ZFHX3: variants seen among roughly 807,000 people sequenced by gnomAD.
ZFHX3 encodes zinc finger homeobox 3, also known as zinc finger homeobox protein 3.
In ZFHX3, 42 loss-of-function variants were observed where a neutral mutation model predicts 279.1. That is an observed-to-expected ratio of 0.15 (90% CI 0.12 to 0.19). The LOEUF (loss-of-function observed/expected upper bound fraction) is 0.19. Ranked by LOEUF, ZFHX3 falls within the 10% of genes least tolerant of loss-of-function variation. The pLI, the probability that ZFHX3 is intolerant of heterozygous loss-of-function variation, is 1.00. For synonymous variants in ZFHX3, 2,293 were observed against 1,957.8 expected, an observed-to-expected ratio of 1.17 and a Z score of -4.52; for missense variants, 4,981 against 4,754.0, an observed-to-expected ratio of 1.05 and a Z score of -1.40.
intron 5 of ZFHX3, among the ~76,000 whole-genome samples, chr16:73,224,655 C>T (rs1003744657): frequency 4.6e-5 from 7 of 152,170 alleles, no homozygotes; most frequent in African/African-American, 1.7e-4. Context: ...AGATGAAATG[C>T]TATAGTAGCC....
In ZFHX3 at chr16:73,093,011, G is replaced by A. The variant is rs548226547; in HGVS notation, c.-533+224C>T. ...GTGAAATCCCTTCTCCTTTTTCTTCGGGCCCTTGTTTTCTTCCATCCTTTC... is the reference window on the plus strand; with the variant it reads ...GTGAAATCCCTTCTCCTTTTTCTTCAGGCCCTTGTTTTCTTCCATCCTTTC... On this transcript the variant is annotated intron_variant, in intron 8 of 17. Coordinates refer to the ZFHX3 transcript ENST00000641206. 3.6e-4 allele frequency: 186 copies of A among 519,668 alleles called. 1 individual carries two copies. The highest frequency in any genetic ancestry group is 2.4e-3 in the South Asian group (171 of 71,562). 32.2% of individuals were successfully genotyped at this position (519,668 alleles called of 1,614,324 possible). A position where few individuals can be genotyped will look rare whatever the true frequency, so the allele number is the denominator to read the frequency against.
chr16:73,315,304 G>A (rs1244300872), intron 4 of ZFHX3, among the ~76,000 whole-genome samples: 3 of 152,092 alleles, frequency 2.0e-5, no homozygotes, highest in Non-Finnish European at 4.4e-5. Flanking sequence ...CCCCTATGTG[G>A]TGGAAATGCA....
chr16:73,193,529 C>G (rs985985572), intron 5 of ZFHX3, among the ~76,000 whole-genome samples: 1 of 152,152 alleles, frequency 6.6e-6, no homozygotes, highest in African/African-American at 2.4e-5. Context: ...TTTCCAGTAT[C>G]CTGGGGGTAA....
upstream of ZFHX3, among the ~76,000 whole-genome samples, chr16:73,050,974 A>G (rs904307792): frequency 3.3e-5 from 5 of 152,166 alleles, no homozygotes; most frequent in African/African-American, 1.2e-4. Context: ...AATTACAATG[A>G]TTCTACCGAG....
At chr16:73,284,151 T>C (rs1183004278) in intron 4 of ZFHX3, among the ~76,000 whole-genome samples, 1 of 151,674 alleles carries the variant, frequency 6.6e-6, no homozygotes, top group Non-Finnish European at 1.5e-5. Context: ...ACCCCACCTC[T>C]ACTAAAAATA....
chr16:73,085,647 A>C (rs1966002267), intron 8 of ZFHX3, among the ~76,000 whole-genome samples: 1 of 152,228 alleles, frequency 6.6e-6, no homozygotes, highest in Admixed American at 6.5e-5. Flanking sequence ...GCATAAAGCT[A>C]GACCCCTATC....
intron 2 of ZFHX3, among the ~76,000 whole-genome samples, chr16:73,593,997 T>C (rs2052024417): frequency 6.6e-6 from 1 of 152,134 alleles, no homozygotes; most frequent in Non-Finnish European, 1.5e-5. Context: ...GGGTACCCAC[T>C]CTTGTTACTC....
chr16:73,874,544 C>T (rs2142404979), intron 1 of ZFHX3, among the ~76,000 whole-genome samples: 1 of 152,314 alleles, frequency 6.6e-6, no homozygotes, highest in South Asian at 2.1e-4. Context: ...CGGGCAGTTG[C>T]CAAATACATT....
chr16:72,922,684 T>G (rs7404382), intron 3 of ZFHX3, among the ~76,000 whole-genome samples: 1 of 152,210 alleles, frequency 6.6e-6, no homozygotes, highest in South Asian at 2.1e-4. Flanking sequence ...CTTTCTTCCT[T>G]TGAAATTGCC....
intron 3 of ZFHX3, among the ~76,000 whole-genome samples, chr16:73,442,267 C>A (rs1276323939): frequency 6.6e-6 from 1 of 152,150 alleles, no homozygotes; most frequent in Non-Finnish European, 1.5e-5. Context: ...GGGTTGGTCT[C>A]TTCTGAGGCC....
At chr16:73,125,304 G>C (rs1164539969) in intron 7 of ZFHX3, 1 of 144,480 alleles carries the variant, frequency 6.9e-6, no homozygotes, top group Non-Finnish European at 1.5e-5. Flanking sequence ...AGCAAACATT[G>C]ACATGGAACC....
intron 1 of ZFHX3, among the ~76,000 whole-genome samples, chr16:73,043,593 C>T (rs1034821953): frequency 6.6e-6 from 1 of 152,102 alleles, no homozygotes; most frequent in African/African-American, 2.4e-5. Flanking sequence ...CTAGAGACAC[C>T]CCCATCACTG....
chr16:73,844,641 G>A (rs1185312425), intron 1 of ZFHX3, among the ~76,000 whole-genome samples: 1 of 151,972 alleles, frequency 6.6e-6, no homozygotes, highest in East Asian at 1.9e-4. Context: ...GTAGAGGGAT[G>A]GAAGGATGGA....
intron 1 of ZFHX3, among the ~76,000 whole-genome samples, chr16:73,757,879 G>T (rs2142277985): frequency 6.6e-6 from 1 of 152,188 alleles, no homozygotes; most frequent in Non-Finnish European, 1.5e-5. Context: ...TGACTCACTG[G>T]GACAAAAGTC....
At chr16:73,108,584 A>G (rs1028076000) in intron 7 of ZFHX3, among the ~76,000 whole-genome samples, 6 of 151,806 alleles carry the variant, frequency 4.0e-5, no homozygotes, top group Admixed American at 6.6e-5. Context: ...TAAATTTTGG[A>G]TATCTTCTCC....
intron 1 of ZFHX3, among the ~76,000 whole-genome samples, chr16:73,871,700 C>G (rs1475333076): frequency 6.6e-6 from 1 of 151,974 alleles, no homozygotes; most frequent in Non-Finnish European, 1.5e-5. Context: ...GCCAGCATAA[C>G]AAAGCTTATG....
At chr16:72,951,025 G>A in intron 2 of ZFHX3, 60 bp from the exon 3 acceptor site, 2 of 1,568,000 alleles carry the variant, frequency 1.3e-6, no homozygotes, top group East Asian at 4.5e-5. Flanking sequence ...GGCCACAGCT[G>A]AGGCACCCCC....
At chr16:72,856,711 C>G (rs2037763498) in intron 4 of ZFHX3, among the ~76,000 whole-genome samples, 1 of 152,160 alleles carries the variant, frequency 6.6e-6, no homozygotes, top group Admixed American at 6.5e-5. Context: ...TGCTCAAGAG[C>G]TGCAAAATGA....
At chr16:73,495,968 G>C (rs769740168) in intron 2 of ZFHX3, among the ~76,000 whole-genome samples, 1 of 152,170 alleles carries the variant, frequency 6.6e-6, no homozygotes, top group African/African-American at 2.4e-5. Context: ...CTGCAGAAAC[G>C]TAGAGCACGA....
Sources: allele counts gnomAD v4.1 joint callset (sites outside exome capture counted in the v4.1 genomes callset), GRCh38; gene constraint gnomAD v4.1.1; transcripts MANE v1.5; gene names NCBI Gene and HGNC (gene_info 2026-07-23, HGNC 2026-07-21).